Variants in KCNK2 observed in about 807,000 individuals in gnomAD.
The protein encoded by KCNK2 is potassium two pore domain channel subfamily K member 2.
Under a neutral mutation model 40.5 loss-of-function variants are expected in KCNK2, and 21 were observed. The ratio of observed to expected loss-of-function variants is 0.52; its 90% confidence interval spans 0.37 to 0.75. The LOEUF (loss-of-function observed/expected upper bound fraction) is 0.75, where lower values mean the gene tolerates loss of function less well. Ranked by LOEUF, KCNK2 falls within the 30% of genes least tolerant of loss-of-function variation. The pLI is 0.00. For missense variants in KCNK2, 399 were observed against 531.6 expected, an observed-to-expected ratio of 0.75 and a Z score of 2.45; for synonymous variants, 191 against 202.2, an observed-to-expected ratio of 0.94 and a Z score of 0.47.
At chr1:215,066,380 T>C (rs1180749628) in intron 1 of KCNK2, among the ~76,000 whole-genome samples, 1 of 152,216 alleles carries the variant, frequency 6.6e-6, no homozygotes, top group Non-Finnish European at 1.5e-5. Flanking sequence ...AATTTACCCC[T>C]GTATTCCTGT....
intron 2 of KCNK2, among the ~76,000 whole-genome samples, chr1:215,094,860 G>C (rs781436592): frequency 2.0e-5 from 3 of 151,976 alleles, no homozygotes; most frequent in Admixed American, 6.6e-5. Context: ...AAAAATAATG[G>C]CTAGAATATT....
intron 5 of KCNK2, among the ~76,000 whole-genome samples, chr1:215,181,867 C>T (rs552906215): frequency 1.3e-5 from 2 of 152,184 alleles, no homozygotes; most frequent in Non-Finnish European, 2.9e-5. Flanking sequence ...GGGGAGGCCA[C>T]GATAGGCAGG....
At chr1:215,174,334 C>G (rs1663855987) in intron 5 of KCNK2, among the ~76,000 whole-genome samples, 1 of 152,172 alleles carries the variant, frequency 6.6e-6, no homozygotes, top group African/African-American at 2.4e-5. Context: ...GTCTATATCT[C>G]TGTTTTGGTA....
At chr1:215,005,575 T>C (rs1656098153), upstream of KCNK2, among the ~76,000 whole-genome samples, 1 of 152,196 alleles carries the variant, frequency 6.6e-6, no homozygotes, top group South Asian at 2.1e-4. Flanking sequence ...GCTGGCAACT[T>C]TGATATGCTC....
chr1:215,059,420 C>A (rs1053441056), intron 1 of KCNK2, among the ~76,000 whole-genome samples: 1 of 139,504 alleles, frequency 7.2e-6, no homozygotes, highest in East Asian at 2.1e-4. Context: ...CTTCCGAGTG[C>A]TCCCTTAATT....
intron 3 of KCNK2, among the ~76,000 whole-genome samples, chr1:215,126,927 A>G (rs1008279681): frequency 2.0e-5 from 3 of 152,040 alleles, no homozygotes; most frequent in Non-Finnish European, 4.4e-5. Context: ...CTAATCTTGG[A>G]CTAGGTTATG....
intron 5 of KCNK2, among the ~76,000 whole-genome samples, chr1:215,191,762 A>G (rs909274633): frequency 2.6e-5 from 4 of 152,186 alleles, no homozygotes; most frequent in Admixed American, 2.6e-4. Context: ...TTAAAATGGA[A>G]AGGATTTATG....
At chr1:215,041,793 A>C (rs1251234848) in intron 1 of KCNK2, among the ~76,000 whole-genome samples, 2 of 152,210 alleles carry the variant, frequency 1.3e-5, no homozygotes, top group Non-Finnish European at 2.9e-5. Context: ...CCTGTTAAAC[A>C]TCATTTTGTC....
intron 3 of KCNK2, among the ~76,000 whole-genome samples, chr1:215,166,324 A>C (rs1221822043): frequency 1.3e-5 from 2 of 152,122 alleles, no homozygotes; most frequent in East Asian, 3.9e-4. Context: ...CCCCCATAGA[A>C]GCAAAACAGA....
At chr1:215,062,308 T>C (rs1658388904) in intron 1 of KCNK2, among the ~76,000 whole-genome samples, 1 of 152,090 alleles carries the variant, frequency 6.6e-6, no homozygotes, top group Non-Finnish European at 1.5e-5. Flanking sequence ...CAGTACTGGT[T>C]TGAATTTTTT....
At chr1:215,180,146 A>G (rs747049251) in intron 5 of KCNK2, among the ~76,000 whole-genome samples, 4 of 152,132 alleles carry the variant, frequency 2.6e-5, no homozygotes, top group Admixed American at 1.3e-4. Flanking sequence ...TTGTTGGCTT[A>G]AAGTCTGTTT....
intron 2 of KCNK2, among the ~76,000 whole-genome samples, chr1:215,087,108 A>C (rs908730117): frequency 1.3e-5 from 2 of 152,242 alleles, no homozygotes; most frequent in Non-Finnish European, 2.9e-5. Context: ...GGAGGAAAAC[A>C]AAATATACAG....
intron 2 of KCNK2, among the ~76,000 whole-genome samples, chr1:215,111,483 A>G (rs895702395): frequency 1.3e-5 from 2 of 152,246 alleles, no homozygotes; most frequent in Admixed American, 6.6e-5. Flanking sequence ...ATACTATCAA[A>G]TGATGTTTGT....
chr1:215,223,199 A>G lies in KCNK2; in HGVS notation c.964-11629A>G, dbSNP rs143676283. ...CCGTTAGGTGGAAAAGGTTCCCCAC[A>G]TCAAAAACAATGATTATATCTGTAC... On this transcript the variant is annotated intron_variant, in intron 6 of 6. Transcript: ENST00000444842. Among the ~76,000 whole-genome samples the G allele has an allele frequency of 1.8e-4, 27 of 149,758 alleles. No individual in the cohort carries two copies. The East Asian group carries it at 4.4e-3, about 24-fold the overall frequency.
intron 2 of KCNK2, among the ~76,000 whole-genome samples, chr1:215,101,754 T>C (rs1227394501): frequency 6.6e-6 from 1 of 152,048 alleles, no homozygotes; most frequent in Non-Finnish European, 1.5e-5. Context: ...AGAGTTCATA[T>C]TGCCTATGAC....
chr1:215,092,136 G>A (rs975192849), intron 2 of KCNK2, among the ~76,000 whole-genome samples: 7 of 152,186 alleles, frequency 4.6e-5, no homozygotes, highest in Non-Finnish European at 8.8e-5. Context: ...GGTAAGAAAT[G>A]AGGGGGGCTT....
At chr1:215,173,863 G>A (rs1364320290) in intron 5 of KCNK2, among the ~76,000 whole-genome samples, 1 of 152,138 alleles carries the variant, frequency 6.6e-6, no homozygotes, top group Admixed American at 6.6e-5. Context: ...GTAGATTCTG[G>A]ATATTAGCCC....
intron 1 of KCNK2, among the ~76,000 whole-genome samples, chr1:215,041,144 T>G (rs1017516292): frequency 4.6e-5 from 7 of 152,206 alleles, no homozygotes; most frequent in African/African-American, 1.4e-4. Context: ...CTTAGAAGAT[T>G]ATGCCTCATT....
intron 5 of KCNK2, among the ~76,000 whole-genome samples, chr1:215,173,145 G>A (rs1483477228): frequency 6.6e-6 from 1 of 152,076 alleles, no homozygotes; most frequent in Non-Finnish European, 1.5e-5. Context: ...ACAGGCCCTG[G>A]TGTGTGATGT....
Sources: gnomAD v4.1 joint callset for allele counts (sites outside exome capture counted in the v4.1 genomes callset) on GRCh38, gnomAD v4.1.1 for gene constraint, MANE v1.5 for transcripts, NCBI Gene and HGNC (gene_info 2026-07-23, HGNC 2026-07-21) for gene names.